ZFHX3: variants seen among roughly 807,000 people sequenced by gnomAD.
ZFHX3 encodes zinc finger homeobox protein 3.
ZFHX3 carries 42 observed loss-of-function variants against 279.1 expected under a neutral mutation model. That is an observed-to-expected ratio of 0.15 (90% CI 0.12 to 0.19). The LOEUF is 0.19. ZFHX3 is among the 10% of genes least tolerant of loss of function. The pLI is 1.00. For missense variants in ZFHX3, 4,981 were observed against 4,754.0 expected (o/e 1.05, Z -1.40); for synonymous variants, 2,293 against 1,957.8 (o/e 1.17, Z -4.52).
chr16:73,020,748 CAG>C (rs746782184), intron 1 of ZFHX3, among the ~76,000 whole-genome samples: 1 of 152,192 alleles, frequency 6.6e-6, no homozygotes, highest in Admixed American at 6.5e-5. Context: ...AGGGTAAAGT[CAG>C]GGAGGCACGG....
chr16:72,847,390 C>G (rs2037506973), intron 4 of ZFHX3, among the ~76,000 whole-genome samples: 1 of 152,168 alleles, frequency 6.6e-6, no homozygotes, highest in South Asian at 2.1e-4. Flanking sequence ...AGCAAGGCAG[C>G]TAGGTGCAGG....
intron 5 of ZFHX3, among the ~76,000 whole-genome samples, chr16:73,212,471 C>T (rs2012054668): frequency 6.6e-6 from 1 of 152,172 alleles, no homozygotes; most frequent in Admixed American, 6.5e-5. Flanking sequence ...CCATTGCATT[C>T]TGGTAAGATA....
chr16:73,571,659 A>T (rs111433220), intron 2 of ZFHX3, among the ~76,000 whole-genome samples: 2,218 of 152,258 alleles, frequency 0.015, 59 homozygotes, highest in African/African-American at 0.052. Flanking sequence ...AAAAACCTTC[A>T]ATAATAATTA....
chr16:73,358,757 C>T lies in ZFHX3; in HGVS notation c.-1290-40421G>A, dbSNP rs2016386409. 2.0e-5 allele frequency among the ~76,000 whole-genome samples: 3 copies of T among 152,314 alleles called. 1 individual carries two copies. The South Asian group carries it at 6.2e-4, about 32-fold the overall frequency. On this transcript the variant is annotated intron_variant, in intron 3 of 17. Coordinates refer to the ZFHX3 transcript ENST00000641206. ...ACTCTGTGTCCAGCTATGGGAGGCA[C>T]AATGGCCTAGTGGCCAAGAGCAGGG...
At chr16:73,405,214 G>C (rs1303749860) in intron 3 of ZFHX3, among the ~76,000 whole-genome samples, 2 of 152,180 alleles carry the variant, frequency 1.3e-5, no homozygotes, top group Non-Finnish European at 2.9e-5. Context: ...TGTGTGTTTT[G>C]CAATGAACCA....
rs1191885444 is a variant in ZFHX3, at chr16:72,798,731, A to C, written c.3968-17T>G. 1.3e-6 allele frequency: 2 copies of C among 1,520,518 alleles called. No homozygotes were observed. Among genetic ancestry groups the C allele is most frequent in the Non-Finnish European group, 1.8e-6 (2 of 1,142,658 alleles). 94.2% of individuals were successfully genotyped at this position (1,520,518 alleles called of 1,614,324 possible). On this transcript the variant is annotated splice_polypyrimidine_tract_variant and intron_variant, in intron 8 of 9. Transcript: ENST00000268489. ...CTGAGGTTTCTGTTAAAAAAAAAAA[A>C]AAAATCAAACCCAAAGATAAAGAAG...
chr16:72,890,589 C>A (rs905779950), intron 3 of ZFHX3, among the ~76,000 whole-genome samples: 1 of 152,112 alleles, frequency 6.6e-6, no homozygotes, highest in Non-Finnish European at 1.5e-5. Context: ...CTATCTCCCC[C>A]AAATGGCCCC....
At chr16:73,549,594 A>G (rs1177404353) in intron 2 of ZFHX3, among the ~76,000 whole-genome samples, 1 of 152,182 alleles carries the variant, frequency 6.6e-6, no homozygotes, top group Non-Finnish European at 1.5e-5. Context: ...TCACATCAGT[A>G]TTATGTTGTT....
intron 1 of ZFHX3, among the ~76,000 whole-genome samples, chr16:73,759,937 C>G (rs2053846138): frequency 6.8e-6 from 1 of 147,358 alleles, no homozygotes; most frequent in South Asian, 2.1e-4. Flanking sequence ...CAAGAAATAA[C>G]CAAGATCAGA....
At chr16:73,779,929 G>C (rs1407945629) in intron 1 of ZFHX3, among the ~76,000 whole-genome samples, 6 of 151,664 alleles carry the variant, frequency 4.0e-5, no homozygotes, top group Non-Finnish European at 1.5e-5. Flanking sequence ...ATGTTGGCCA[G>C]GATGGTTTTG....
intron 3 of ZFHX3, among the ~76,000 whole-genome samples, chr16:73,407,860 C>T (rs145229120): frequency 6.6e-6 from 1 of 152,164 alleles, no homozygotes; most frequent in East Asian, 1.9e-4. Flanking sequence ...AATGGTCTTC[C>T]ACTGCCCTCT....
rs527717507 is a variant in ZFHX3 at position 73,100,825 on chromosome 16, G to T, written c.-896-7227C>A. ...TTGGCCAGGCTGGTCTTGAACTCCT[G>T]ACCTCAGGTGATCTGCCCATCTCGG... On this transcript the variant is annotated intron_variant, in intron 7 of 17. Coordinates refer to the ZFHX3 transcript ENST00000641206. 2.0e-5 allele frequency among the ~76,000 whole-genome samples: 3 copies of T among 152,224 alleles called. No individual in the cohort carries two copies. In the South Asian group the frequency reaches 6.2e-4, roughly 32 times the overall value.
At chr16:73,696,731 C>A (rs2053201129) in intron 1 of ZFHX3, among the ~76,000 whole-genome samples, 1 of 152,150 alleles carries the variant, frequency 6.6e-6, no homozygotes, top group South Asian at 2.1e-4. Flanking sequence ...TAGCCCTTTT[C>A]CTTCTTCCAC....
chr16:73,433,279 G>C (rs2017940855), intron 3 of ZFHX3, among the ~76,000 whole-genome samples: 1 of 152,142 alleles, frequency 6.6e-6, no homozygotes, highest in Non-Finnish European at 1.5e-5. Flanking sequence ...TGTTCTCCCA[G>C]ACTTATAAAA....
intron 1 of ZFHX3, among the ~76,000 whole-genome samples, chr16:73,867,893 T>C (rs1440526002): frequency 6.6e-6 from 1 of 152,178 alleles, no homozygotes; most frequent in Non-Finnish European, 1.5e-5. Flanking sequence ...TCAAAGGACT[T>C]TGCATCTTGA....
chr16:73,516,557 C>A (rs991156042), intron 2 of ZFHX3, among the ~76,000 whole-genome samples: 2 of 152,178 alleles, frequency 1.3e-5, no homozygotes, highest in African/African-American at 4.8e-5. Flanking sequence ...CTTAGACATA[C>A]CTCCAGCTCA....
At chr16:72,811,864 A>G (rs2036461828) in intron 6 of ZFHX3, 41 bp downstream of exon 6, 1 of 1,609,126 alleles carries the variant, frequency 6.2e-7, no homozygotes, top group East Asian at 2.2e-5. Flanking sequence ...AATGTCTAAA[A>G]CACCTCACCT....
At chr16:73,120,382 C>T (rs1414000003) in intron 7 of ZFHX3, among the ~76,000 whole-genome samples, 1 of 151,994 alleles carries the variant, frequency 6.6e-6, no homozygotes, top group Non-Finnish European at 1.5e-5. Flanking sequence ...CCTCCTGCTT[C>T]AGCCTCCTGA....
chr16:72,915,035 A>ATT (rs1172145746), intron 3 of ZFHX3, among the ~76,000 whole-genome samples: 1 of 152,114 alleles, frequency 6.6e-6, no homozygotes, highest in Non-Finnish European at 1.5e-5. Context: ...ATAGGCTAAC[A>ATT]AGTAGCCTAC....
Sources: allele counts gnomAD v4.1 joint callset (sites outside exome capture counted in the v4.1 genomes callset), GRCh38; gene constraint gnomAD v4.1.1; transcripts MANE v1.5; gene names NCBI Gene and HGNC (gene_info 2026-07-23, HGNC 2026-07-21).